Variants in PDE4D observed in about 807,000 individuals in gnomAD.
PDE4D encodes phosphodiesterase 4D.
PDE4D carries 24 observed loss-of-function variants against 87.4 expected under a neutral mutation model. The ratio of observed to expected loss-of-function variants is 0.27; its 90% CI spans 0.20 to 0.39. The LOEUF is 0.39. Among genes scored for constraint, PDE4D ranks in the 10% least tolerant of loss-of-function variants. PDE4D has a pLI of 1.00. For synonymous variants in PDE4D, 384 were observed against 383.2 expected, an observed-to-expected ratio of 1.00 and a Z score of -0.02; for missense variants, 714 against 1,041.0, an observed-to-expected ratio of 0.69 and a Z score of 4.32.
chr5:60,426,387 G>T (rs1743716489), intron 1 of PDE4D, among the ~76,000 whole-genome samples: 1 of 152,150 alleles, frequency 6.6e-6, no homozygotes, highest in South Asian at 2.1e-4. Flanking sequence ...TCAGGGACAT[G>T]GATGAAGCTG....
intron 2 of PDE4D, among the ~76,000 whole-genome samples, chr5:60,161,251 T>A (rs528099910): frequency 2.4e-4 from 36 of 152,280 alleles, no homozygotes; most frequent in Non-Finnish European, 4.4e-4. Flanking sequence ...GTAGACTGCA[T>A]AAGTTGACTT....
chr5:60,134,410 C>T (rs1779852364), intron 2 of PDE4D, among the ~76,000 whole-genome samples: 2 of 152,134 alleles, frequency 1.3e-5, no homozygotes, highest in African/African-American at 4.8e-5. Context: ...GAGGCTGAGA[C>T]AGGAGGATCG....
intron 1 of PDE4D, chr5:59,528,988 C>G: frequency 2.2e-6 from 1 of 458,424 alleles, no homozygotes; most frequent in Non-Finnish European, 4.4e-6. Context: ...AAGAGCCCAG[C>G]TGAAACAAGA....
At chr5:60,090,645 G>C (rs2152911284) in intron 2 of PDE4D, among the ~76,000 whole-genome samples, 1 of 152,208 alleles carries the variant, frequency 6.6e-6, no homozygotes, top group East Asian at 1.9e-4. Context: ...TTTTACCACT[G>C]TTATTCAAGA....
chr5:60,041,041 A>G (rs141669601), intron 2 of PDE4D, among the ~76,000 whole-genome samples: 5 of 152,358 alleles, frequency 3.3e-5, no homozygotes, highest in East Asian at 1.9e-4. Flanking sequence ...TCATATTAGT[A>G]ACTTCAGTTT....
intron 1 of PDE4D, among the ~76,000 whole-genome samples, chr5:59,270,198 CA>C (rs1288218809): frequency 2.6e-5 from 4 of 151,934 alleles, no homozygotes; most frequent in Non-Finnish European, 5.9e-5. Flanking sequence ...GTAATAGGAC[CA>C]AAAAAAGTTT....
At chr5:60,182,967 C>A (rs982655758) in intron 2 of PDE4D, among the ~76,000 whole-genome samples, 1 of 152,078 alleles carries the variant, frequency 6.6e-6, no homozygotes, top group Non-Finnish European at 1.5e-5. Flanking sequence ...GCCCTAACCC[C>A]CAATGTGATG....
At chr5:59,111,133 T>C (rs140863170) in intron 5 of PDE4D, among the ~76,000 whole-genome samples, 2 of 152,328 alleles carry the variant, frequency 1.3e-5, no homozygotes, top group Non-Finnish European at 2.9e-5. Flanking sequence ...GCTGTGATAA[T>C]CTATACACTT....
rs187763467 is a variant in PDE4D, at chr5:59,208,314, C to T, written c.647+7463G>A. Among the ~76,000 whole-genome samples, 27 of 152,284 alleles carry T rather than the reference C, an allele frequency of 1.8e-4. No homozygotes were observed. In the East Asian group the frequency reaches 3.5e-3, roughly 20 times the overall value. On this transcript the variant is annotated intron_variant, in intron 2 of 14. Coordinates refer to ENST00000340635, the MANE Select transcript of PDE4D (RefSeq NM_001104631.2). ...GGCTTGTCATAGAAACAATGAATTA[C>T]GTATATGTTTGGTCAGTTTTCACTT...
chr5:59,883,570 T>G (rs929132741), intron 1 of PDE4D, among the ~76,000 whole-genome samples: 1 of 152,204 alleles, frequency 6.6e-6, no homozygotes, highest in Non-Finnish European at 1.5e-5. Context: ...TCAAACTTTA[T>G]GAAGTATAGA....
intron 3 of PDE4D, among the ~76,000 whole-genome samples, chr5:59,188,536 C>A (rs1743444270): frequency 6.6e-6 from 1 of 152,000 alleles, no homozygotes; most frequent in Non-Finnish European, 1.5e-5. Context: ...ACTTAAACAG[C>A]TGAACATCAT....
chr5:59,811,666 G>T (rs770773985), intron 1 of PDE4D, among the ~76,000 whole-genome samples: 7 of 152,160 alleles, frequency 4.6e-5, no homozygotes, highest in Non-Finnish European at 1.0e-4. Flanking sequence ...CTCCTGTCCA[G>T]CTGCATGAAG....
intron 1 of PDE4D, among the ~76,000 whole-genome samples, chr5:60,380,758 T>G (rs1761800255): frequency 6.6e-6 from 1 of 152,198 alleles, no homozygotes; most frequent in Admixed American, 6.5e-5. Flanking sequence ...TGATATTGGA[T>G]AGAAAAGGGC....
At chr5:60,026,703 C>T (rs1433707979) in intron 2 of PDE4D, among the ~76,000 whole-genome samples, 1 of 152,182 alleles carries the variant, frequency 6.6e-6, no homozygotes, top group Non-Finnish European at 1.5e-5. Flanking sequence ...CCATGCAACA[C>T]ATTTTCCACA....
At chr5:59,795,109 T>A (rs1766310599) in intron 1 of PDE4D, among the ~76,000 whole-genome samples, 1 of 152,208 alleles carries the variant, frequency 6.6e-6, no homozygotes, top group Non-Finnish European at 1.5e-5. Context: ...ATGTATTTTC[T>A]CAAGAATCGT....
rs540223343 is a variant in PDE4D, at chr5:59,795,403, G to A, written c.455+97765C>T. 2.6e-5 allele frequency among the ~76,000 whole-genome samples: 4 copies of A among 152,252 alleles called. No individual in the cohort carries two copies. In the East Asian group the frequency reaches 5.8e-4, roughly 22 times the overall value. ...GTCTGTGGGTTCCCCGGTGGATCAC[G>A]CTGAAAGAATACCTGGCAGACACTT... is the stretch of plus-strand genomic sequence containing the variant. On this transcript the variant is annotated intron_variant, in intron 1 of 14. Coordinates refer to ENST00000340635, the MANE Select transcript of PDE4D (RefSeq NM_001104631.2).
intron 1 of PDE4D, among the ~76,000 whole-genome samples, chr5:60,385,536 G>C (rs1346018872): frequency 6.6e-6 from 1 of 152,160 alleles, no homozygotes; most frequent in African/African-American, 2.4e-5. Flanking sequence ...ATATGAGAGG[G>C]GCACTGGCAA....
intron 5 of PDE4D, among the ~76,000 whole-genome samples, chr5:59,085,842 G>A (rs1260726282): frequency 2.0e-5 from 3 of 152,220 alleles, no homozygotes; most frequent in East Asian, 1.9e-4. Flanking sequence ...CTGAATACTC[G>A]TCAGAAAAGC....
intron 1 of PDE4D, among the ~76,000 whole-genome samples, chr5:59,282,517 C>T (rs574662904): frequency 6.6e-6 from 1 of 151,674 alleles, no homozygotes; most frequent in African/African-American, 2.4e-5. Context: ...GTGGCGAGCA[C>T]CTGTAATCCC....
Sources: allele counts gnomAD v4.1 joint callset (sites outside exome capture counted in the v4.1 genomes callset), GRCh38; gene constraint gnomAD v4.1.1; transcripts MANE v1.5; gene names NCBI Gene and HGNC (gene_info 2026-07-23, HGNC 2026-07-21).